Variants in SPIDR observed in about 807,000 individuals in gnomAD.
SPIDR encodes scaffold protein involved in DNA repair.
Under a neutral mutation model 104.6 loss-of-function variants are expected in SPIDR, and 93 were observed. The observed-to-expected ratio is 0.89, with a 90% CI of 0.75 to 1.06. SPIDR has a LOEUF of 1.06. Among genes scored for constraint, SPIDR ranks in the 50% least tolerant of loss-of-function variants. SPIDR has a pLI of 0.00. For missense variants in SPIDR, 1,154 were observed against 1,111.2 expected (o/e 1.04, Z -0.55); for synonymous variants, 431 against 416.9 (o/e 1.03, Z -0.41).
intron 10 of SPIDR, among the ~76,000 whole-genome samples, chr8:47,656,524 G>C (rs1588891569): frequency 6.6e-6 from 1 of 152,156 alleles, no homozygotes; most frequent in African/African-American, 2.4e-5. Context: ...GATAAATTCA[G>C]GATGTGGAGA....
At chr8:47,669,874 C>T (rs948539451) in intron 10 of SPIDR, among the ~76,000 whole-genome samples, 3 of 152,114 alleles carry the variant, frequency 2.0e-5, no homozygotes, top group African/African-American at 7.2e-5. Context: ...GTGGCATACA[C>T]CTATAGTCCC....
chr8:47,373,658 A>G (rs1265701060), intron 5 of SPIDR, among the ~76,000 whole-genome samples: 2 of 152,174 alleles, frequency 1.3e-5, no homozygotes, highest in African/African-American at 4.8e-5. Context: ...AGATTAAGTC[A>G]TCCATCGTCT....
intron 5 of SPIDR, among the ~76,000 whole-genome samples, chr8:47,377,981 T>C (rs1299437849): frequency 3.3e-5 from 5 of 152,240 alleles, no homozygotes; most frequent in Non-Finnish European, 4.4e-5. Context: ...GAAACACTTA[T>C]ATGATTCTAT....
At chr8:47,261,765 T>G (rs962429492) in intron 1 of SPIDR, among the ~76,000 whole-genome samples, 2 of 152,226 alleles carry the variant, frequency 1.3e-5, no homozygotes, top group African/African-American at 4.8e-5. Context: ...CCATGCTTTC[T>G]CGCTTCTCAA....
At chr8:47,567,340 C>T (rs1318255515) in intron 8 of SPIDR, among the ~76,000 whole-genome samples, 1 of 152,028 alleles carries the variant, frequency 6.6e-6, no homozygotes, top group African/African-American at 2.4e-5. Context: ...CTGCCTCAGC[C>T]TCCCGAGTAG....
At chr8:47,674,234 C>T (rs1231292555) in intron 11 of SPIDR, among the ~76,000 whole-genome samples, 1 of 152,116 alleles carries the variant, frequency 6.6e-6, no homozygotes, top group Non-Finnish European at 1.5e-5. Flanking sequence ...TAAGTGTTTT[C>T]TTCACTATAA....
At chr8:47,696,874 A>G (rs2079403274) in intron 11 of SPIDR, among the ~76,000 whole-genome samples, 1 of 152,228 alleles carries the variant, frequency 6.6e-6, no homozygotes, top group Non-Finnish European at 1.5e-5. Context: ...TGTCCTTTCT[A>G]TCCCCAAGTC....
chr8:47,657,999 C>A (rs1300408090), intron 10 of SPIDR, among the ~76,000 whole-genome samples: 1 of 139,754 alleles, frequency 7.2e-6, no homozygotes, highest in Non-Finnish European at 1.5e-5. Context: ...CACTGCACAC[C>A]AGCCTGGGCA....
At chr8:47,489,458 C>T (rs1386426639) in intron 8 of SPIDR, among the ~76,000 whole-genome samples, 2 of 152,172 alleles carry the variant, frequency 1.3e-5, no homozygotes, top group African/African-American at 4.8e-5. Flanking sequence ...GTGCCATCCC[C>T]ATCAAGCTAC....
At chr8:47,319,739 A>G (rs556996974) in intron 5 of SPIDR, among the ~76,000 whole-genome samples, 76 of 152,148 alleles carry the variant, frequency 5.0e-4, no homozygotes, top group Non-Finnish European at 9.6e-4. Flanking sequence ...AAATTATAAC[A>G]AACTGTCTCT....
chr8:47,287,075 A>C lies in SPIDR; in HGVS notation c.256+2981A>C, dbSNP rs371052198. Reference sequence around the variant, plus strand: ...GGGCCTCCAGGGGTGACATCACATAACAGTAGGACCGTGATGCCCACCTGA... The same window carrying C: ...GGGCCTCCAGGGGTGACATCACATACCAGTAGGACCGTGATGCCCACCTGA... On this transcript the variant is annotated intron_variant, in intron 3 of 19. Transcript: ENST00000297423. 7.8e-3 allele frequency among the ~76,000 whole-genome samples: 1,187 copies of C among 152,268 alleles called. 13 individuals carry two copies. The highest frequency in any genetic ancestry group is 0.027 in the African/African-American group (1,138 of 41,546).
At chr8:47,382,508 G>C (rs1741966892) in intron 5 of SPIDR, among the ~76,000 whole-genome samples, 1 of 152,190 alleles carries the variant, frequency 6.6e-6, no homozygotes, top group Admixed American at 6.5e-5. Context: ...TGCCTCCTGG[G>C]TTCAAACGAT....
chr8:47,349,008 G>T (rs781164626), intron 5 of SPIDR, among the ~76,000 whole-genome samples: 1 of 152,178 alleles, frequency 6.6e-6, no homozygotes, highest in Admixed American at 6.5e-5. Context: ...GAGGAGCTGC[G>T]ATCCTTTGGA....
Position 47,722,039 on chromosome 8 carries a change from ATCT to A in SPIDR, c.2342-5156_2342-5154del, listed in dbSNP as rs537050046. Among the ~76,000 whole-genome samples, 116 of 152,320 alleles carry A rather than the reference ATCT, an allele frequency of 7.6e-4. 2 individuals carry two copies. In the South Asian group the frequency reaches 0.017, roughly 22 times the overall value. On this transcript the variant is annotated intron_variant, in intron 16 of 19. Coordinates refer to ENST00000297423, the MANE Select transcript of SPIDR (RefSeq NM_001080394.4). ...ATGGAATATCTTTGCATTTATTTAT[ATCT>A]TCTTTGATATCTTTCAGAAGAGTTT...
chr8:47,431,371 T>C (rs1439001470), intron 7 of SPIDR, among the ~76,000 whole-genome samples: 1 of 152,244 alleles, frequency 6.6e-6, no homozygotes, highest in Non-Finnish European at 1.5e-5. Context: ...ACATTCAATC[T>C]GTAACACACC....
chr8:47,673,384 G>T, intron 10 of SPIDR: 1 of 456,802 alleles, frequency 2.2e-6, no homozygotes, highest in Admixed American at 2.4e-5. Flanking sequence ...TCAGTATCGA[G>T]CATCCACACA....
intron 8 of SPIDR, among the ~76,000 whole-genome samples, chr8:47,531,680 CTCT>C (rs1462868941): frequency 1.3e-5 from 2 of 152,120 alleles, no homozygotes; most frequent in African/African-American, 4.8e-5. Flanking sequence ...TTTCTCTTAC[CTCT>C]TCTTCCGGTA....
intron 16 of SPIDR, among the ~76,000 whole-genome samples, chr8:47,723,853 C>G (rs961777976): frequency 6.6e-6 from 1 of 152,128 alleles, no homozygotes; most frequent in Non-Finnish European, 1.5e-5. Flanking sequence ...TACCTTCTAT[C>G]AGAGTGTTCC....
chr8:47,466,404 A>AT (rs1181956907), intron 8 of SPIDR, among the ~76,000 whole-genome samples: 5 of 152,230 alleles, frequency 3.3e-5, no homozygotes, highest in African/African-American at 4.8e-5. Flanking sequence ...AAATTGAGTA[A>AT]TCTGCTCCTG....
Sources: gnomAD v4.1 joint callset for allele counts (sites outside exome capture counted in the v4.1 genomes callset) on GRCh38, gnomAD v4.1.1 for gene constraint, MANE v1.5 for transcripts, NCBI Gene and HGNC (gene_info 2026-07-23, HGNC 2026-07-21) for gene names.